Variants in CDH12 observed in about 807,000 individuals in gnomAD.
CDH12 encodes the protein cadherin 12.
In CDH12, 41 loss-of-function variants were observed where a neutral mutation model predicts 74.1. The ratio of observed to expected loss-of-function variants is 0.55; its 90% confidence interval spans 0.43 to 0.72. CDH12 has a LOEUF of 0.72. Among genes scored for constraint, CDH12 ranks in the 30% least tolerant of loss-of-function variants. The pLI, the probability that CDH12 is intolerant of heterozygous loss-of-function variation, is 0.00. For synonymous variants in CDH12, 399 were observed against 355.0 expected (o/e 1.12, Z -1.39); for missense variants, 945 against 977.2 (o/e 0.97, Z 0.44).
intron 6 of CDH12, among the ~76,000 whole-genome samples, chr5:21,861,899 A>ATTGT (rs1751064600): frequency 6.8e-6 from 1 of 147,722 alleles, no homozygotes. Flanking sequence ...GGTCATTTCT[A>ATTGT]GTGTGTGTGT....
chr5:22,622,668 AGG>A (rs1738038181), intron 1 of CDH12, among the ~76,000 whole-genome samples: 1 of 149,504 alleles, frequency 6.7e-6, no homozygotes, highest in African/African-American at 2.5e-5. Context: ...TCTGAAATTG[AGG>A]CAATAATTAG....
chr5:22,165,294 A>G (rs1252764745), intron 4 of CDH12, among the ~76,000 whole-genome samples: 1 of 152,142 alleles, frequency 6.6e-6, no homozygotes, highest in South Asian at 2.1e-4. Flanking sequence ...CACTTTCTCC[A>G]TGACAGACAC....
In CDH12 at chr5:21,750,998, G is replaced by T. The variant is rs1267562410; in HGVS notation, c.*739C>A. 6.6e-5 allele frequency: 10 copies of T among 150,468 alleles called. No homozygotes were observed. The highest frequency in any genetic ancestry group is 1.3e-4 in the Non-Finnish European group (9 of 67,688). 9.3% of individuals were successfully genotyped at this position (150,468 alleles called of 1,614,324 possible). Reference sequence around the variant, plus strand: ...AAAGAAAGTAACATTTTAATGAACAGCTTTAATGTGAACTAATGTTAAGAT... The same window carrying T: ...AAAGAAAGTAACATTTTAATGAACATCTTTAATGTGAACTAATGTTAAGAT... On this transcript the variant is annotated 3_prime_UTR_variant, in exon 15 of 15. Transcript: ENST00000382254.
chr5:21,873,345 C>T (rs1037154349), intron 6 of CDH12, among the ~76,000 whole-genome samples: 2 of 152,070 alleles, frequency 1.3e-5, no homozygotes, highest in African/African-American at 4.8e-5. Context: ...ATGAATGTAA[C>T]CTACTTAAAG....
At chr5:22,089,846 G>C (rs1179057697) in intron 4 of CDH12, among the ~76,000 whole-genome samples, 1 of 124,036 alleles carries the variant, frequency 8.1e-6, no homozygotes, top group East Asian at 2.0e-4. Flanking sequence ...TAAAGTATAG[G>C]GAAATTTTAA....
At chr5:22,280,613 G>C (rs943321118) in intron 3 of CDH12, among the ~76,000 whole-genome samples, 3 of 152,116 alleles carry the variant, frequency 2.0e-5, no homozygotes, top group Non-Finnish European at 4.4e-5. Context: ...AAATAAACTA[G>C]AAAATCTAGG....
rs79909356 is a variant in CDH12, at chr5:22,057,999, T to TTCTATCTATCTA, written c.231+20435_231+20446dup. Among the ~76,000 whole-genome samples, 521 of 149,368 alleles carry TTCTATCTATCTA rather than the reference T, an allele frequency of 3.5e-3. 2 individuals carry two copies. The highest frequency in any genetic ancestry group is 9.4e-3 in the East Asian group (47 of 4,994). On this transcript the variant is annotated intron_variant, in intron 5 of 14. Transcript: ENST00000382254. Reference sequence around the variant, plus strand: ...TTTTCAAAGTTTAGTTTTCCTTGTATTCTATCTATCTATCTATCTATCTAT... The same window carrying TTCTATCTATCTA: ...TTTTCAAAGTTTAGTTTTCCTTGTATTCTATCTATCTATCTATCTATCTATCTATCTATCTAT...
intron 1 of CDH12, among the ~76,000 whole-genome samples, chr5:22,746,253 T>C (rs1490978941): frequency 6.6e-6 from 1 of 152,168 alleles, no homozygotes; most frequent in Non-Finnish European, 1.5e-5. Context: ...CCTTTGTTAA[T>C]TGGTCTTTGG....
chr5:22,343,265 C>A (rs1025734707), intron 3 of CDH12, among the ~76,000 whole-genome samples: 2 of 124,212 alleles, frequency 1.6e-5, no homozygotes, highest in African/African-American at 6.2e-5. Flanking sequence ...AAATAAATCA[C>A]AGATAAAACA....
At chr5:22,566,573 C>T (rs150812366) in intron 1 of CDH12, among the ~76,000 whole-genome samples, 1 of 152,170 alleles carries the variant, frequency 6.6e-6, no homozygotes, top group Admixed American at 6.5e-5. Context: ...TTGTAGCATG[C>T]ACTTGGCTGT....
intron 6 of CDH12, among the ~76,000 whole-genome samples, chr5:21,875,770 C>T (rs2150025037): frequency 6.6e-6 from 1 of 152,252 alleles, no homozygotes; most frequent in South Asian, 2.1e-4. Context: ...GAGCCTAGTA[C>T]TATGATTGGA....
chr5:21,827,399 AG>A (rs1337836604), intron 8 of CDH12, among the ~76,000 whole-genome samples: 1 of 152,138 alleles, frequency 6.6e-6, no homozygotes, highest in East Asian at 1.9e-4. Context: ...TTTAAAAAAA[AG>A]GTCATTAGGA....
At chr5:22,729,895 A>G (rs78990041) in intron 1 of CDH12, among the ~76,000 whole-genome samples, 3,095 of 151,952 alleles carry the variant, frequency 0.02, 46 homozygotes, top group Non-Finnish European at 0.031. Context: ...AAGTGACATT[A>G]CCTACCATAT....
chr5:21,841,127 C>T (rs1749822297), intron 8 of CDH12, among the ~76,000 whole-genome samples: 1 of 152,098 alleles, frequency 6.6e-6, no homozygotes, highest in African/African-American at 2.4e-5. Context: ...GGGCTAATAT[C>T]CAGAATCTAC....
intron 5 of CDH12, among the ~76,000 whole-genome samples, chr5:22,035,071 T>G (rs1326313827): frequency 6.6e-6 from 1 of 152,218 alleles, no homozygotes; most frequent in Non-Finnish European, 1.5e-5. Flanking sequence ...AGTTGTGGTT[T>G]CTAAGAACGT....
chr5:22,217,987 A>C (rs536654550), intron 3 of CDH12, among the ~76,000 whole-genome samples: 1 of 151,718 alleles, frequency 6.6e-6, no homozygotes, highest in Admixed American at 6.6e-5. Context: ...TTTTCTTATT[A>C]ATTCATAACT....
At chr5:22,087,021 A>G (rs1170011996) in intron 4 of CDH12, among the ~76,000 whole-genome samples, 1 of 152,166 alleles carries the variant, frequency 6.6e-6, no homozygotes, top group Admixed American at 6.5e-5. Flanking sequence ...AGTACTTCTT[A>G]AAATGGTGAA....
chr5:22,029,601 A>G (rs1275143850), intron 5 of CDH12, among the ~76,000 whole-genome samples: 1 of 152,194 alleles, frequency 6.6e-6, no homozygotes. Context: ...ATCATTAAAA[A>G]GTCAGGAAAC....
At chr5:22,647,433 C>T (rs1339146393) in intron 1 of CDH12, among the ~76,000 whole-genome samples, 1 of 151,644 alleles carries the variant, frequency 6.6e-6, no homozygotes, top group Non-Finnish European at 1.5e-5. Flanking sequence ...TACAGAACAA[C>T]ATAAATTTAT....
Sources: allele counts gnomAD v4.1 joint callset (sites outside exome capture counted in the v4.1 genomes callset), GRCh38; gene constraint gnomAD v4.1.1; transcripts MANE v1.5; gene names NCBI Gene and HGNC (gene_info 2026-07-23, HGNC 2026-07-21).